CALN1: variants seen among roughly 807,000 people sequenced by gnomAD.
CALN1 encodes calneuron 1, also known as calcium-binding protein 8.
In CALN1, 17 loss-of-function variants were observed where a neutral mutation model predicts 30.6. That is an observed-to-expected ratio of 0.56 (90% CI 0.38 to 0.83). The LOEUF is 0.83. CALN1 is among the 40% of genes least tolerant of loss of function. CALN1 has a pLI of 0.00. For missense variants in CALN1, 291 were observed against 354.9 expected (o/e 0.82, Z 1.45); for synonymous variants, 156 against 131.4 (o/e 1.19, Z -1.28).
At chr7:72,074,543 G>A (rs1397551016) in intron 4 of CALN1, among the ~76,000 whole-genome samples, 1 of 152,150 alleles carries the variant, frequency 6.6e-6, no homozygotes, top group Non-Finnish European at 1.5e-5. Flanking sequence ...GAGTAGCTGG[G>A]ATTACAGGCA....
chr7:72,375,847 T>C (rs1804526204), intron 2 of CALN1, among the ~76,000 whole-genome samples: 1 of 152,164 alleles, frequency 6.6e-6, no homozygotes, highest in African/African-American at 2.4e-5. Context: ...CCATGTTGTA[T>C]AACTATTACA....
intron 3 of CALN1, among the ~76,000 whole-genome samples, chr7:72,162,263 T>G (rs1458434354): frequency 1.3e-5 from 2 of 152,050 alleles, no homozygotes; most frequent in Non-Finnish European, 2.9e-5. Flanking sequence ...TAACAATTGT[T>G]GGCAGAAAGT....
chr7:71,989,674 C>A (rs1418480918), intron 5 of CALN1, among the ~76,000 whole-genome samples: 1 of 151,664 alleles, frequency 6.6e-6, no homozygotes, highest in Non-Finnish European at 1.5e-5. Context: ...GGATCCGGGG[C>A]GAGGGTTGGA....
intron 5 of CALN1, among the ~76,000 whole-genome samples, chr7:72,012,632 G>A (rs1562975662): frequency 6.6e-6 from 1 of 152,212 alleles, no homozygotes; most frequent in Non-Finnish European, 1.5e-5. Context: ...AGGCTGGTAT[G>A]TGGAGAGCAG....
intron 3 of CALN1, among the ~76,000 whole-genome samples, chr7:72,159,621 A>C (rs757122553): frequency 3.7e-4 from 56 of 152,086 alleles, no homozygotes; most frequent in Non-Finnish European, 6.2e-4. Context: ...AACATGGTGA[A>C]ACCCCACCTC....
intron 2 of CALN1, among the ~76,000 whole-genome samples, chr7:72,377,411 C>T (rs1401196754): frequency 6.7e-6 from 1 of 148,740 alleles, no homozygotes; most frequent in Non-Finnish European, 1.5e-5. Context: ...CTTTTTTACT[C>T]TTTGGGTAAT....
At chr7:72,487,438 C>G in the CALN1 span, among the ~76,000 whole-genome samples, 2 of 151,882 alleles carry the variant, frequency 1.3e-5, no homozygotes, top group Non-Finnish European at 2.9e-5. Flanking sequence ...GTAATCCCAG[C>G]ACTTTGGGAG....
chr7:71,891,608 A>G (rs1018643573), intron 5 of CALN1, among the ~76,000 whole-genome samples: 5 of 152,228 alleles, frequency 3.3e-5, no homozygotes, highest in Non-Finnish European at 5.9e-5. Context: ...TCTTGAGAGA[A>G]CTAAAAGTAT....
chr7:72,245,650 A>ATAAC (rs1339472760), intron 3 of CALN1, among the ~76,000 whole-genome samples: 5 of 151,288 alleles, frequency 3.3e-5, no homozygotes, highest in African/African-American at 1.2e-4. Flanking sequence ...AAATAAATAA[A>ATAAC]TAAATAAATA....
At chr7:72,219,789 T>G (rs757723113) in intron 3 of CALN1, among the ~76,000 whole-genome samples, 11 of 151,902 alleles carry the variant, frequency 7.2e-5, no homozygotes, top group Non-Finnish European at 1.2e-4. Context: ...TATAATAGAA[T>G]TTCCTATGCA....
At chr7:72,360,726 G>T (rs1019603386) in intron 2 of CALN1, among the ~76,000 whole-genome samples, 1 of 149,428 alleles carries the variant, frequency 6.7e-6, no homozygotes, top group Non-Finnish European at 1.5e-5. Context: ...GTGTACCCTA[G>T]AACTTAAAAG....
intron 2 of CALN1, among the ~76,000 whole-genome samples, chr7:72,287,227 A>G (rs746375558): frequency 6.6e-6 from 1 of 152,062 alleles, no homozygotes; most frequent in Non-Finnish European, 1.5e-5. Context: ...CTCCCTCCAC[A>G]GTGACAACTC....
intron 2 of CALN1, among the ~76,000 whole-genome samples, chr7:72,378,752 G>C (rs1048788203): frequency 6.6e-6 from 1 of 151,364 alleles, no homozygotes; most frequent in African/African-American, 2.4e-5. Flanking sequence ...ATTTTTAGTA[G>C]AGACGAAGTT....
At chr7:72,019,631 G>A (rs547936432) in intron 5 of CALN1, among the ~76,000 whole-genome samples, 12 of 152,196 alleles carry the variant, frequency 7.9e-5, no homozygotes, top group African/African-American at 1.9e-4. Flanking sequence ...AACCACCAGC[G>A]TCACCTTGCC....
intron 2 of CALN1, among the ~76,000 whole-genome samples, chr7:72,369,990 T>C (rs1371918090): frequency 1.3e-5 from 2 of 152,162 alleles, no homozygotes; most frequent in African/African-American, 4.8e-5. Flanking sequence ...TACCTAGAAA[T>C]GTAATGTACA....
intron 5 of CALN1, among the ~76,000 whole-genome samples, chr7:71,872,970 C>T (rs1453937846): frequency 2.0e-5 from 3 of 150,608 alleles, no homozygotes; most frequent in South Asian, 4.2e-4. Context: ...TTCCATTCTC[C>T]CACATAGTTA....
rs549258763 is a variant in CALN1 at position 72,297,700 on chromosome 7, G to A, written c.120-18890C>T. ...CTGCCATAACCAAAAATACACCTCC[G>A]TAAGAGACACAGATCCAAATGGAAG... On this transcript the variant is annotated intron_variant, in intron 2 of 6. Coordinates refer to ENST00000395275, the MANE Select transcript of CALN1 (RefSeq NM_031468.4). Among the ~76,000 whole-genome samples, 5 of 152,242 alleles carry A rather than the reference G, an allele frequency of 3.3e-5. No homozygotes were observed. The East Asian group carries it at 5.8e-4, about 18-fold the overall frequency.
intron 3 of CALN1, among the ~76,000 whole-genome samples, chr7:72,148,928 G>A (rs60313371): frequency 4.1e-4 from 34 of 83,344 alleles, no homozygotes; most frequent in African/African-American, 1.4e-3. Flanking sequence ...AAGAAAGAAA[G>A]AAAAAAAAGA....
At chr7:72,162,340 T>C (rs553696255) in intron 3 of CALN1, among the ~76,000 whole-genome samples, 1 of 151,954 alleles carries the variant, frequency 6.6e-6, no homozygotes, top group South Asian at 2.1e-4. Context: ...AGCAATAAAT[T>C]CTAAACAAAA....
Sources: gnomAD v4.1 joint callset for allele counts (sites outside exome capture counted in the v4.1 genomes callset) on GRCh38, gnomAD v4.1.1 for gene constraint, MANE v1.5 for transcripts, NCBI Gene and HGNC (gene_info 2026-07-23, HGNC 2026-07-21) for gene names.